The following TMEM74 variants were observed in gnomAD, a reference collection of about 807,000 sequenced individuals.
TMEM74 encodes transmembrane protein 74.
In TMEM74, 13 loss-of-function variants were observed where a neutral mutation model predicts 18.1. The ratio of observed to expected loss-of-function variants is 0.72; its 90% confidence interval spans 0.47 to 1.14. The LOEUF is 1.14. Ranked by LOEUF, TMEM74 falls within the 50% of genes most tolerant of loss-of-function variation. TMEM74 has a pLI of 0.00. For synonymous variants in TMEM74, 159 were observed against 146.6 expected (o/e 1.08, Z -0.61); for missense variants, 372 against 375.9 (o/e 0.99, Z 0.09).
chr8:108,652,948 A>T (rs1812788592), intron 2 of TMEM74: 1 of 300,950 alleles, frequency 3.3e-6, no homozygotes, highest in African/African-American at 2.2e-5. Flanking sequence ...GCGACTTGCT[A>T]GACATAAAAG....
intron 2 of TMEM74, among the ~76,000 whole-genome samples, chr8:108,633,202 G>T (rs1399675896): frequency 6.6e-6 from 1 of 151,728 alleles, no homozygotes; most frequent in African/African-American, 2.4e-5. Flanking sequence ...TTTTATACTT[G>T]TTCTTTCCCC....
At chr8:108,734,412 A>G (rs1813725272) in intron 1 of TMEM74, among the ~76,000 whole-genome samples, 1 of 152,074 alleles carries the variant, frequency 6.6e-6, no homozygotes, top group Admixed American at 6.5e-5. Flanking sequence ...CCCCCCTTTC[A>G]TCAGTCTATC....
chr8:108,613,928 G>T (rs1812359215), intron 2 of TMEM74, among the ~76,000 whole-genome samples: 1 of 151,866 alleles, frequency 6.6e-6, no homozygotes, highest in South Asian at 2.1e-4. Flanking sequence ...TTCCAATGGG[G>T]TAATAAGAGT....
chr8:108,611,116 A>G (rs1221300927), intron 2 of TMEM74, among the ~76,000 whole-genome samples: 1 of 152,198 alleles, frequency 6.6e-6, no homozygotes, highest in South Asian at 2.1e-4. Context: ...TATTTGCCTC[A>G]ATTTCTGGAG....
intron 1 of TMEM74, among the ~76,000 whole-genome samples, chr8:108,688,371 C>G (rs1420490435): frequency 6.6e-6 from 1 of 152,228 alleles, no homozygotes; most frequent in African/African-American, 2.4e-5. Context: ...TGTTCACGCT[C>G]AGTCCAATCA....
chr8:108,676,822 A>G (rs1170570305), intron 1 of TMEM74, among the ~76,000 whole-genome samples: 1 of 152,186 alleles, frequency 6.6e-6, no homozygotes, highest in Non-Finnish European at 1.5e-5. Context: ...GAATGAATGA[A>G]TGAATAAATA....
chr8:108,701,851 T>C (rs1395511754), intron 1 of TMEM74, among the ~76,000 whole-genome samples: 1 of 152,166 alleles, frequency 6.6e-6, no homozygotes, highest in Non-Finnish European at 1.5e-5. Context: ...ATAGATTCAA[T>C]GCAATCTCCA....
intron 2 of TMEM74, among the ~76,000 whole-genome samples, chr8:108,621,864 G>T (rs777607735): frequency 1.3e-5 from 2 of 152,010 alleles, no homozygotes; most frequent in African/African-American, 4.8e-5. Flanking sequence ...AAGTGAATAC[G>T]CACAAAGCAT....
intron 1 of TMEM74, among the ~76,000 whole-genome samples, chr8:108,755,851 T>G (rs976133320): frequency 6.6e-6 from 1 of 151,976 alleles, no homozygotes; most frequent in Admixed American, 6.6e-5. Context: ...TAAAATTAAC[T>G]TAAGGTTTAA....
rs140260942 is a variant in TMEM74 at position 108,760,611 on chromosome 8, T to C, written n.119+26865A>G. ...CAAGGAGAGCTTCAGGAAGCTCTCC[T>C]TGGAAGAGATGCAATTATCCCCTTG... On this transcript the variant is annotated intron_variant and non_coding_transcript_variant, in intron 1 of 3. Coordinates refer to the TMEM74 transcript ENST00000518838. 2.7e-4 allele frequency among the ~76,000 whole-genome samples: 41 copies of C among 152,120 alleles called. No homozygotes were observed. The East Asian group carries it at 7.4e-3, about 27-fold the overall frequency.
intron 1 of TMEM74, among the ~76,000 whole-genome samples, chr8:108,716,541 T>A (rs1813525100): frequency 6.6e-6 from 1 of 152,014 alleles, no homozygotes; most frequent in Admixed American, 6.6e-5. Context: ...AGTTATTCAA[T>A]GCACCCAATG....
chr8:108,711,594 A>C (rs1690745222), intron 1 of TMEM74, among the ~76,000 whole-genome samples: 1 of 152,176 alleles, frequency 6.6e-6, no homozygotes, highest in Non-Finnish European at 1.5e-5. Flanking sequence ...GGAGAGAAGA[A>C]AGGAAGCTTG....
At chr8:108,672,768 CT>C (rs1414055953) in intron 1 of TMEM74, among the ~76,000 whole-genome samples, 1 of 152,204 alleles carries the variant, frequency 6.6e-6, no homozygotes, top group South Asian at 2.1e-4. Context: ...AAGGGTCCTT[CT>C]GATGTTCAAA....
chr8:108,682,328 A>C (rs1813123455), intron 1 of TMEM74, among the ~76,000 whole-genome samples: 1 of 152,022 alleles, frequency 6.6e-6, no homozygotes, highest in African/African-American at 2.4e-5. Flanking sequence ...ATCTATCATC[A>C]TTCTTAACTT....
intron 1 of TMEM74, among the ~76,000 whole-genome samples, chr8:108,682,114 T>C (rs1813120716): frequency 6.6e-6 from 1 of 152,170 alleles, no homozygotes; most frequent in Non-Finnish European, 1.5e-5. Context: ...AAATACAAAA[T>C]TTCTGGTTGT....
At chr8:108,705,902 C>T (rs1398610112) in intron 1 of TMEM74, among the ~76,000 whole-genome samples, 1 of 152,178 alleles carries the variant, frequency 6.6e-6, no homozygotes, top group Non-Finnish European at 1.5e-5. Context: ...TCAGGATGGC[C>T]TGAGGATGTT....
At chr8:108,756,231 T>G (rs1455932925) in intron 1 of TMEM74, among the ~76,000 whole-genome samples, 1 of 152,046 alleles carries the variant, frequency 6.6e-6, no homozygotes, top group Non-Finnish European at 1.5e-5. Context: ...AGTTAGGTTT[T>G]ACTATGTGTA....
Position 108,731,590 on chromosome 8 carries a change from A to G in TMEM74, n.119+55886T>C, listed in dbSNP as rs1016865270. 3.9e-5 allele frequency among the ~76,000 whole-genome samples: 6 copies of G among 152,284 alleles called. No individual in the cohort carries two copies. The East Asian group carries it at 1.2e-3, about 29-fold the overall frequency. On this transcript the variant is annotated intron_variant and non_coding_transcript_variant, in intron 1 of 3. Coordinates refer to the TMEM74 transcript ENST00000518838. The stretch of plus-strand genomic sequence containing the variant: ...GATAGAGAGCATGAATACACACTCA[A>G]AATAGGACATGGCATCTGTCAGACT...
intron 2 of TMEM74, among the ~76,000 whole-genome samples, chr8:108,624,237 G>T (rs572864352): frequency 6.6e-6 from 1 of 152,058 alleles, no homozygotes; most frequent in Non-Finnish European, 1.5e-5. Flanking sequence ...TATTCATTAA[G>T]AGCTTTAAAG....
Sources: gnomAD v4.1 joint callset for allele counts (sites outside exome capture counted in the v4.1 genomes callset) on GRCh38, gnomAD v4.1.1 for gene constraint, MANE v1.5 for transcripts, NCBI Gene and HGNC (gene_info 2026-07-23, HGNC 2026-07-21) for gene names.